The following GSAP variants were observed in gnomAD, a reference collection of about 807,000 sequenced individuals.
The protein encoded by GSAP is gamma-secretase activating protein, also known as gamma-secretase-activating protein.
A neutral mutation model predicts 131.7 loss-of-function variants in GSAP; 118 were observed. The observed-to-expected ratio is 0.90, with a 90% CI of 0.77 to 1.04. GSAP has a LOEUF of 1.04. Among genes scored for constraint, GSAP ranks in the 50% least tolerant of loss-of-function variants. GSAP has a pLI of 0.00. For missense variants in GSAP, 1,019 were observed against 1,013.2 expected, an observed-to-expected ratio of 1.01 and a Z score of -0.08; for synonymous variants, 381 against 363.4, an observed-to-expected ratio of 1.05 and a Z score of -0.55.
chr7:77,381,262 G>T (rs1189068492), intron 8 of GSAP, 43 bp downstream of exon 8: 6 of 1,123,722 alleles, frequency 5.3e-6, no homozygotes, highest in Non-Finnish European at 6.4e-6. Flanking sequence ...TTCTTTGTGG[G>T]GAAAAAAAAA....
chr7:77,398,697 G>A (rs1353697476), intron 3 of GSAP, among the ~76,000 whole-genome samples: 2 of 152,092 alleles, frequency 1.3e-5, no homozygotes, highest in Non-Finnish European at 2.9e-5. Context: ...GAGCCCAGGA[G>A]GTCAAGACTG....
chr7:77,314,494 G>A lies in GSAP; in HGVS notation c.2090-5C>T. 3 of 1,613,504 alleles carry A rather than the reference G, an allele frequency of 1.9e-6. No individual in the cohort carries two copies. Among genetic ancestry groups the A allele is most frequent in the African/African-American group, 2.7e-5 (2 of 75,008 alleles). ...TGGTGTGCAGAGTATGAAAACCTAG[G>A]ATGAGAGATCTGGAGGGTAAACACA... On this transcript the variant is annotated splice_polypyrimidine_tract_variant and splice_region_variant and intron_variant, in intron 26 of 30. Transcript: ENST00000257626.
At chr7:77,355,524 C>T in intron 15 of GSAP, 31 bp downstream of exon 15, 1 of 1,539,706 alleles carries the variant, frequency 6.5e-7, no homozygotes, top group Non-Finnish European at 9.0e-7. Flanking sequence ...TCAAATGGGC[C>T]ACCTCTACAA....
chr7:77,348,569 C>T (rs1792257401), intron 19 of GSAP, among the ~76,000 whole-genome samples: 1 of 152,178 alleles, frequency 6.6e-6, no homozygotes, highest in Admixed American at 6.5e-5. Context: ...CCCTGAGCTC[C>T]CTGCTGCCAG....
chr7:77,347,682 CAT>C (rs1433230291), intron 19 of GSAP, among the ~76,000 whole-genome samples: 2 of 152,042 alleles, frequency 1.3e-5, no homozygotes, highest in Non-Finnish European at 2.9e-5. Flanking sequence ...TTTACAATAA[CAT>C]AATTTCTAAA....
intron 12 of GSAP, among the ~76,000 whole-genome samples, chr7:77,369,885 C>T (rs920060124): frequency 9.4e-5 from 14 of 149,464 alleles, no homozygotes; most frequent in African/African-American, 3.3e-4. Context: ...AATCTGGAAG[C>T]ATCTCATTTG....
chr7:77,404,639 T>A, intron 2 of GSAP, 24 bp from the exon 3 acceptor site: 1 of 1,289,554 alleles, frequency 7.8e-7, no homozygotes, highest in African/African-American at 1.5e-5. Context: ...ACCAGATGTT[T>A]ATTAAATGTC....
At chr7:77,336,689 T>C (rs995793129) in intron 19 of GSAP, among the ~76,000 whole-genome samples, 2 of 152,170 alleles carry the variant, frequency 1.3e-5, no homozygotes, top group Admixed American at 6.5e-5. Context: ...GGTTTCACCA[T>C]GTTGGCCAAG....
In GSAP at chr7:77,351,626, C is replaced by T. The variant is rs1201751590; in HGVS notation, c.1491+1318G>A. The stretch of plus-strand genomic sequence containing the variant: ...TATAACCACAGGTTTCTTTATATCG[C>T]TCTTCTTGGACTTCCTGATGTCACC... On this transcript the variant is annotated intron_variant, in intron 18 of 30. Transcript: ENST00000257626. 3.0e-6 allele frequency: 3 copies of T among 985,712 alleles called. No individual in the cohort carries two copies. In the East Asian group the frequency reaches 3.4e-4, roughly 112 times the overall value. The allele number at this position is 985,712 out of a possible 1,614,324, so 61.1% of individuals were successfully genotyped here.
At chr7:77,330,737 G>A in intron 19 of GSAP, 1 of 988,580 alleles carries the variant, frequency 1.0e-6, no homozygotes. Context: ...TATGACTTAG[G>A]TGGTGTCAAC....
Position 77,405,978 on chromosome 7 carries a change from A to T in GSAP, c.186+51T>A, listed in dbSNP as rs774797105. On this transcript the variant is annotated intron_variant, in intron 2 of 30. Coordinates refer to ENST00000257626, the MANE Select transcript of GSAP (RefSeq NM_017439.4). ...CTGTAAAAAGAGAATATAAATGATT[A>T]AAAACAGTAAATTTTACATCTTACC... The T allele has an allele frequency of 1.6e-5, 11 of 669,274 alleles. No individual in the cohort carries two copies. The African/African-American group carries it at 2.2e-4, about 13-fold the overall frequency. The allele number at this position is 669,274 out of a possible 1,614,324, so 41.5% of individuals were successfully genotyped here.
chr7:77,407,811 G>T (rs1802563976), intron 1 of GSAP, among the ~76,000 whole-genome samples: 1 of 152,106 alleles, frequency 6.6e-6, no homozygotes, highest in Non-Finnish European at 1.5e-5. Context: ...GGACACATAA[G>T]AATGTCTATA....
chr7:77,364,109 T>G (rs901362786), intron 12 of GSAP, among the ~76,000 whole-genome samples: 15 of 152,276 alleles, frequency 9.9e-5, no homozygotes, highest in Non-Finnish European at 1.9e-4. Context: ...ATAATTTTCC[T>G]TTAGAAGTAG....
rs1242034815 is a variant in GSAP, at chr7:77,416,301, G to A, written c.21C>T (p.Ala7=). MALRLV[A]DFDLGKDVLP... is the part of the protein sequence containing the mutation. ...GCACGTCCTTCCCGAGGTCGAAGTCGGCGACCAGGCGAAGAGCCATCGCCC... is the reference window on the plus strand; with the variant it reads ...GCACGTCCTTCCCGAGGTCGAAGTCAGCGACCAGGCGAAGAGCCATCGCCC... The change falls in exon 1 of 31, where the codon GCC becomes GCT. Residue 7 remains alanine (A), a synonymous_variant. Transcript: ENST00000257626. 2 of 1,495,998 alleles carry A rather than the reference G, an allele frequency of 1.3e-6. No homozygotes were observed. The highest frequency in any genetic ancestry group is 3.0e-5 in the East Asian group (1 of 33,892). 92.7% of individuals were successfully genotyped at this position (1,495,998 alleles called of 1,614,324 possible). A position where few individuals can be genotyped will look rare whatever the true frequency, so the allele number is the denominator to read the frequency against.
chr7:77,363,390 G>A (rs1431558717), intron 12 of GSAP, among the ~76,000 whole-genome samples: 2 of 152,206 alleles, frequency 1.3e-5, no homozygotes, highest in Non-Finnish European at 2.9e-5. Flanking sequence ...AGGACAGTAT[G>A]CTTAAACAGG....
Position 77,416,010 on chromosome 7 carries a change from C to G in GSAP, c.109+203G>C, listed in dbSNP as rs997988389. ...CCTCAGGCCCCACGGCGACCTGGCCCGGGCTCTGCCCCCAGACCTTCCGCC... is the reference window on the plus strand; with the variant it reads ...CCTCAGGCCCCACGGCGACCTGGCCGGGGCTCTGCCCCCAGACCTTCCGCC... On this transcript the variant is annotated intron_variant, in intron 1 of 30. Coordinates refer to ENST00000257626, the MANE Select transcript of GSAP (RefSeq NM_017439.4). The G allele has an allele frequency of 2.9e-5, 13 of 443,438 alleles. No homozygotes were observed. The Middle Eastern group carries it at 1.8e-3, about 61-fold the overall frequency. The allele number at this position is 443,438 out of a possible 1,614,324, so 27.5% of individuals were successfully genotyped here. A position where few individuals can be genotyped will look rare whatever the true frequency, so the allele number is the denominator to read the frequency against.
intron 23 of GSAP, among the ~76,000 whole-genome samples, chr7:77,324,878 G>A (rs1788120145): frequency 1.5e-5 from 2 of 130,702 alleles, no homozygotes; most frequent in Admixed American, 8.8e-5. Context: ...GTGCAGTGAT[G>A]CGATCTCAGC....
Position 77,355,667 on chromosome 7 carries a change from ACAT to A in GSAP, c.1028-23_1028-21del. On this transcript the variant is annotated intron_variant, in intron 14 of 30. Coordinates refer to ENST00000257626, the MANE Select transcript of GSAP (RefSeq NM_017439.4). ...AATAGTCTATAGAAGAGAAAGATTTACATCATCTACATGTGGTAAAAGCTGCAC... is the reference window on the plus strand; with the variant it reads ...AATAGTCTATAGAAGAGAAAGATTTACATCTACATGTGGTAAAAGCTGCAC... 8.0e-7 allele frequency: 1 copy of A among 1,256,820 alleles called. No homozygotes were observed. The highest frequency in any genetic ancestry group is 1.2e-6 in the Non-Finnish European group (1 of 854,372). The allele number at this position is 1,256,820 out of a possible 1,614,324, so 77.9% of individuals were successfully genotyped here.
intron 8 of GSAP, among the ~76,000 whole-genome samples, chr7:77,379,081 T>A (rs1278720552): frequency 1.3e-5 from 2 of 152,122 alleles, no homozygotes; most frequent in African/African-American, 4.8e-5. Context: ...AGAGAAAAGA[T>A]CCAAGAGGAC....
Sources: gnomAD v4.1 joint callset for allele counts (sites outside exome capture counted in the v4.1 genomes callset) on GRCh38, gnomAD v4.1.1 for gene constraint, MANE v1.5 for transcripts, NCBI Gene and HGNC (gene_info 2026-07-23, HGNC 2026-07-21) for gene names.